The following FTO variants were observed in gnomAD, a reference collection of about 807,000 sequenced individuals.
The protein encoded by FTO is FTO alpha-ketoglutarate dependent dioxygenase, also known as alpha-ketoglutarate-dependent dioxygenase FTO.
In FTO, 47 loss-of-function variants were observed where a neutral mutation model predicts 63.9. That is an observed-to-expected ratio of 0.74 (90% CI 0.58 to 0.94). The LOEUF is 0.94. Among genes scored for constraint, FTO ranks in the 40% least tolerant of loss-of-function variants. The pLI, the probability that FTO is intolerant of heterozygous loss-of-function variation, is 0.00. For missense variants in FTO, 562 were observed against 618.1 expected (o/e 0.91, Z 0.96); for synonymous variants, 207 against 224.4 (o/e 0.92, Z 0.69).
At chr16:53,887,118 G>A (rs532981342) in intron 6 of FTO, 1 of 152,294 alleles carries the variant, frequency 6.6e-6, no homozygotes, top group South Asian at 2.1e-4. Flanking sequence ...GGGGCAAAAC[G>A]TTCAACCTGA....
chr16:53,925,505 C>T (rs989779202), intron 7 of FTO, among the ~76,000 whole-genome samples: 1 of 151,882 alleles, frequency 6.6e-6, no homozygotes, highest in African/African-American at 2.4e-5. Flanking sequence ...GATTACCAGC[C>T]ATATTTGTAG....
chr16:54,090,751 G>A (rs191348620), intron 8 of FTO, among the ~76,000 whole-genome samples: 300 of 152,308 alleles, frequency 2.0e-3, no homozygotes, highest in Non-Finnish European at 3.5e-3. Context: ...CCGGCCTTCT[G>A]GGGTTGACTA....
intron 8 of FTO, chr16:53,993,094 C>T (rs1476689480): frequency 6.6e-6 from 1 of 152,152 alleles, no homozygotes; most frequent in East Asian, 1.9e-4. Context: ...TCGTTCTCTC[C>T]CCGGAGGGTT....
chr16:53,813,013 C>G (rs901532502), intron 2 of FTO, among the ~76,000 whole-genome samples: 1 of 152,146 alleles, frequency 6.6e-6, no homozygotes, highest in East Asian at 1.9e-4. Context: ...CAGCTTTTGT[C>G]GTGTGAAAAT....
At chr16:54,106,435 A>G (rs1260235988) in intron 8 of FTO, among the ~76,000 whole-genome samples, 1 of 148,874 alleles carries the variant, frequency 6.7e-6, no homozygotes, top group Non-Finnish European at 1.5e-5. Flanking sequence ...AAGGAGAGAG[A>G]GAAAAAGTAT....
chr16:53,810,313 G>T (rs563523575), intron 2 of FTO, 96 bp downstream of exon 2: 1 of 825,968 alleles, frequency 1.2e-6, no homozygotes, highest in South Asian at 1.4e-5. Flanking sequence ...TTAAATGACA[G>T]GTGAAAAGGT....
intron 8 of FTO, chr16:53,993,480 T>C (rs2083861066): frequency 6.6e-6 from 1 of 152,202 alleles, no homozygotes; most frequent in African/African-American, 2.4e-5. Flanking sequence ...CATGGAGTAA[T>C]TAAGAGGGGA....
chr16:53,832,821 C>G (rs866267665), intron 3 of FTO, among the ~76,000 whole-genome samples: 4 of 152,188 alleles, frequency 2.6e-5, no homozygotes, highest in Middle Eastern at 6.8e-3. Context: ...ATCTCTGTAC[C>G]CATTTAAACA....
At chr16:54,073,347 G>A in intron 8 of FTO, among the ~76,000 whole-genome samples, 1 of 151,954 alleles carries the variant, frequency 6.6e-6, no homozygotes, top group Non-Finnish European at 1.5e-5. Flanking sequence ...TCTTTAGTAG[G>A]CAAATTAATT....
At chr16:54,040,045 A>G (rs541608881) in intron 8 of FTO, 1 of 152,316 alleles carries the variant, frequency 6.6e-6, no homozygotes, top group Non-Finnish European at 1.5e-5. Context: ...CAGAGATTTG[A>G]TGGAAGCCCT....
chr16:53,949,924 G>T (rs1010664027), intron 8 of FTO, among the ~76,000 whole-genome samples: 1 of 152,118 alleles, frequency 6.6e-6, no homozygotes, highest in Non-Finnish European at 1.5e-5. Context: ...AGAAAGCAAA[G>T]ACTGACAGTT....
At chr16:53,870,079 T>G (rs1264085925) in intron 4 of FTO, among the ~76,000 whole-genome samples, 1 of 152,184 alleles carries the variant, frequency 6.6e-6, no homozygotes, top group Non-Finnish European at 1.5e-5. Flanking sequence ...TCACAAGTGC[T>G]TCTCATTTTC....
At chr16:53,954,453 C>T (rs932713694) in intron 8 of FTO, among the ~76,000 whole-genome samples, 4 of 152,018 alleles carry the variant, frequency 2.6e-5, no homozygotes, top group Non-Finnish European at 5.9e-5. Flanking sequence ...CTTGACTATT[C>T]CTGAAACTTG....
At chr16:53,785,914 G>GAAAAA (rs764170371) in intron 1 of FTO, among the ~76,000 whole-genome samples, 1 of 102,322 alleles carries the variant, frequency 9.8e-6, no homozygotes. Flanking sequence ...ATCTCAAAAA[G>GAAAAA]AAAAAAAAAA....
intron 1 of FTO, among the ~76,000 whole-genome samples, chr16:53,771,293 A>G (rs2077330932): frequency 6.6e-6 from 1 of 152,144 alleles, no homozygotes; most frequent in Non-Finnish European, 1.5e-5. Context: ...CCCTGGAAAC[A>G]TCCTTGACTT....
chr16:54,006,390 G>T (rs900475809), intron 8 of FTO, among the ~76,000 whole-genome samples: 5 of 152,192 alleles, frequency 3.3e-5, no homozygotes, highest in Admixed American at 6.5e-5. Flanking sequence ...TTTTCGGATG[G>T]TAGTTCAAGC....
chr16:53,760,939 TCA>T (rs1179814457), intron 1 of FTO, among the ~76,000 whole-genome samples: 2 of 152,112 alleles, frequency 1.3e-5, no homozygotes, highest in South Asian at 2.1e-4. Context: ...CTCTTATCTT[TCA>T]CATTGACTTT....
At chr16:53,740,917 C>T (rs969482538) in intron 1 of FTO, among the ~76,000 whole-genome samples, 5 of 152,294 alleles carry the variant, frequency 3.3e-5, no homozygotes, top group South Asian at 2.1e-4. Flanking sequence ...ATAATCACTC[C>T]GGACATTTTG....
At chr16:54,034,884 T>C (rs79533076) in intron 8 of FTO, among the ~76,000 whole-genome samples, 3,125 of 152,308 alleles carry the variant, frequency 0.021, 103 homozygotes, top group African/African-American at 0.072. Flanking sequence ...AGTGTGTGTT[T>C]TAGGGAAGGA....
Sources: gnomAD v4.1 joint callset for allele counts (sites outside exome capture counted in the v4.1 genomes callset) on GRCh38, gnomAD v4.1.1 for gene constraint, MANE v1.5 for transcripts, NCBI Gene and HGNC (gene_info 2026-07-23, HGNC 2026-07-21) for gene names.